The following PPP1R14C variants were observed in gnomAD, a reference collection of about 807,000 sequenced individuals.
The protein encoded by PPP1R14C is protein phosphatase 1 regulatory inhibitor subunit 14C, also known as protein phosphatase 1 regulatory subunit 14C.
In PPP1R14C, 16 loss-of-function variants were observed where a neutral mutation model predicts 20.4. That is an observed-to-expected ratio of 0.78 (90% CI 0.53 to 1.19). The LOEUF (loss-of-function observed/expected upper bound fraction) is 1.19. Ranked by LOEUF, PPP1R14C falls within the 50% of genes most tolerant of loss-of-function variation. The pLI is 0.00. For missense variants in PPP1R14C, 211 were observed against 220.1 expected (o/e 0.96, Z 0.26); for synonymous variants, 91 against 91.0 (o/e 1.00, Z 0.00).
intron 1 of PPP1R14C, among the ~76,000 whole-genome samples, chr6:150,155,558 C>T (rs1230454848): frequency 1.3e-5 from 2 of 152,214 alleles, no homozygotes; most frequent in Non-Finnish European, 2.9e-5. Flanking sequence ...GCACCATTTC[C>T]CCCCAGATAC....
intron 1 of PPP1R14C, among the ~76,000 whole-genome samples, chr6:150,188,808 A>AT (rs1777708559): frequency 6.7e-6 from 1 of 149,338 alleles, no homozygotes; most frequent in South Asian, 2.1e-4. Flanking sequence ...CTTATGGGAC[A>AT]TTTTTTCTTA....
chr6:150,238,528 A>G (rs1220945881), intron 3 of PPP1R14C, among the ~76,000 whole-genome samples: 1 of 152,258 alleles, frequency 6.6e-6, no homozygotes, highest in East Asian at 1.9e-4. Flanking sequence ...GGGAGGCAGC[A>G]TGGGAGGAGC....
At chr6:150,241,340 T>C (rs1255367962) in intron 3 of PPP1R14C, among the ~76,000 whole-genome samples, 9 of 152,218 alleles carry the variant, frequency 5.9e-5, no homozygotes, top group Non-Finnish European at 1.0e-4. Context: ...CATCTGCTGT[T>C]CATCTGTATC....
chr6:150,160,485 G>A (rs1041681555), intron 1 of PPP1R14C, among the ~76,000 whole-genome samples: 2 of 151,126 alleles, frequency 1.3e-5, no homozygotes, highest in Non-Finnish European at 2.9e-5. Flanking sequence ...GTGTTAGCGA[G>A]GATGGTCTCG....
chr6:150,161,403 GTA>G (rs1168388603), intron 1 of PPP1R14C, among the ~76,000 whole-genome samples: 8 of 152,190 alleles, frequency 5.3e-5, no homozygotes, highest in African/African-American at 1.9e-4. Context: ...ATATATGTGT[GTA>G]TTCTTATTGG....
At chr6:150,212,141 A>C (rs185685202) in intron 1 of PPP1R14C, among the ~76,000 whole-genome samples, 3 of 152,232 alleles carry the variant, frequency 2.0e-5, no homozygotes, top group Non-Finnish European at 4.4e-5. Flanking sequence ...GGGCGAGTGT[A>C]CTCTGGGGTA....
intron 3 of PPP1R14C, among the ~76,000 whole-genome samples, chr6:150,235,393 G>A (rs1010748170): frequency 3.9e-5 from 6 of 152,186 alleles, no homozygotes; most frequent in Admixed American, 6.5e-5. Context: ...CCCAGCTGAC[G>A]GAAATGTGCT....
chr6:150,203,949 AT>A (rs1777910173), intron 1 of PPP1R14C, among the ~76,000 whole-genome samples: 1 of 152,154 alleles, frequency 6.6e-6, no homozygotes, highest in African/African-American at 2.4e-5. Flanking sequence ...CCCTTCCTTT[AT>A]TCTTTCCCAG....
chr6:150,177,508 G>C (rs1777575878), intron 1 of PPP1R14C, among the ~76,000 whole-genome samples: 1 of 152,180 alleles, frequency 6.6e-6, no homozygotes, highest in African/African-American at 2.4e-5. Context: ...CCTGGCCTTG[G>C]GGCCTGTGGA....
intron 1 of PPP1R14C, among the ~76,000 whole-genome samples, chr6:150,159,475 G>A (rs756952396): frequency 1.3e-5 from 2 of 151,832 alleles, no homozygotes; most frequent in African/African-American, 4.8e-5. Flanking sequence ...GTGTGCTCTC[G>A]GCTTTCTAAG....
intron 3 of PPP1R14C, among the ~76,000 whole-genome samples, chr6:150,244,423 G>C (rs1470370672): frequency 1.3e-5 from 2 of 152,124 alleles, no homozygotes; most frequent in African/African-American, 4.8e-5. Context: ...AAGTCCTCTA[G>C]CAAACCTCAT....
chr6:150,188,235 T>G (rs1195109413), intron 1 of PPP1R14C, among the ~76,000 whole-genome samples: 1 of 152,234 alleles, frequency 6.6e-6, no homozygotes, highest in Non-Finnish European at 1.5e-5. Context: ...GATTAATTAG[T>G]CTTCTTCTAG....
intron 3 of PPP1R14C, among the ~76,000 whole-genome samples, chr6:150,221,808 A>AT (rs11347707): frequency 1.3e-5 from 2 of 151,732 alleles, no homozygotes; most frequent in African/African-American, 4.8e-5. Flanking sequence ...TTTTATTTTA[A>AT]TTTTTTTTGA....
chr6:150,226,609 C>T (rs1323017729), intron 3 of PPP1R14C, among the ~76,000 whole-genome samples: 1 of 152,102 alleles, frequency 6.6e-6, no homozygotes, highest in African/African-American at 2.4e-5. Flanking sequence ...GGGGAGTTGT[C>T]TAGTCAATGA....
At chr6:150,152,451 G>A (rs1777259908) in intron 1 of PPP1R14C, among the ~76,000 whole-genome samples, 1 of 152,134 alleles carries the variant, frequency 6.6e-6, no homozygotes, top group South Asian at 2.1e-4. Flanking sequence ...CTTAGCACGT[G>A]ACCAGGGCTC....
chr6:150,143,393 C>A lies in PPP1R14C; in HGVS notation c.201C>A (p.His67Gln), dbSNP rs748104502. Residue 67 changes from histidine (H) to glutamine (Q), a missense_variant, in exon 1 of 4, where the codon CAC becomes CAA. His to Gln is a conservative substitution (Grantham distance 24, BLOSUM62 0). Coordinates refer to ENST00000361131, the MANE Select transcript of PPP1R14C (RefSeq NM_030949.3). The surrounding 1 kb of genome is among the most constrained non-coding windows in gnomAD (Gnocchi z 5.6). ...GQVQQQQQRR[H>Q]QQGKVTVKYD... ...TTCAGCAGCAACAGCAGCGGCGACACCAGCAGGGAAAAGTGACAGTGAAAT... is the reference window on the plus strand; with the variant it reads ...TTCAGCAGCAACAGCAGCGGCGACAACAGCAGGGAAAAGTGACAGTGAAAT... 6.8e-6 allele frequency: 11 copies of A among 1,612,402 alleles called. No homozygotes were observed. The South Asian group carries it at 1.2e-4, about 18-fold the overall frequency.
At chr6:150,206,872 G>T (rs1200406916) in intron 1 of PPP1R14C, among the ~76,000 whole-genome samples, 5 of 146,598 alleles carry the variant, frequency 3.4e-5, no homozygotes, top group African/African-American at 1.3e-4. Flanking sequence ...TTCTGTTTTT[G>T]TTTTTTTTTT....
At chr6:150,170,328 T>G (rs2114868485) in intron 1 of PPP1R14C, among the ~76,000 whole-genome samples, 1 of 151,816 alleles carries the variant, frequency 6.6e-6, no homozygotes, top group South Asian at 2.1e-4. Context: ...TTTTTTTTTT[T>G]TTTTCTTTTT....
chr6:150,174,434 T>TA (rs1777537110), intron 1 of PPP1R14C, among the ~76,000 whole-genome samples: 1 of 151,778 alleles, frequency 6.6e-6, no homozygotes, highest in Non-Finnish European at 1.5e-5. Flanking sequence ...GCCAGGATGG[T>TA]CTCGATCTCC....
Sources: allele counts gnomAD v4.1 joint callset (sites outside exome capture counted in the v4.1 genomes callset), GRCh38; gene constraint gnomAD v4.1.1; non-coding constraint Gnocchi (gnomAD v3.1); transcripts MANE v1.5; gene names NCBI Gene and HGNC (gene_info 2026-07-23, HGNC 2026-07-21).